Variants in CDH18 observed in about 807,000 individuals in gnomAD.
CDH18 encodes cadherin-18.
A neutral mutation model predicts 67.9 loss-of-function variants in CDH18; 31 were observed. That is an observed-to-expected ratio of 0.46 (90% CI 0.34 to 0.62). The LOEUF (loss-of-function observed/expected upper bound fraction) is 0.62, where lower values mean the gene tolerates loss of function less well. Ranked by LOEUF, CDH18 falls within the 20% of genes least tolerant of loss-of-function variation. The probability of loss-of-function intolerance (pLI) is 0.01; values close to 1 mark genes in which losing one functional copy is unlikely to be tolerated. For synonymous variants in CDH18, 362 were observed against 347.2 expected, an observed-to-expected ratio of 1.04 and a Z score of -0.48; for missense variants, 890 against 975.5, an observed-to-expected ratio of 0.91 and a Z score of 1.17.
chr5:20,511,935 AT>A (rs1186701794), intron 1 of CDH18, among the ~76,000 whole-genome samples: 2 of 152,172 alleles, frequency 1.3e-5, no homozygotes, highest in Non-Finnish European at 2.9e-5. Flanking sequence ...ATTTTTATAA[AT>A]TTAAAAAACA....
At chr5:20,466,494 A>G (rs940635119) in intron 1 of CDH18, among the ~76,000 whole-genome samples, 1 of 152,008 alleles carries the variant, frequency 6.6e-6, no homozygotes, top group Non-Finnish European at 1.5e-5. Flanking sequence ...TAATGTTTAC[A>G]ACTAACAAAT....
intron 2 of CDH18, among the ~76,000 whole-genome samples, chr5:20,166,970 T>C (rs1049060919): frequency 1.3e-5 from 2 of 152,164 alleles, no homozygotes; most frequent in African/African-American, 4.8e-5. Flanking sequence ...CCTTTAAAAA[T>C]AGTGTATAGT....
intron 2 of CDH18, among the ~76,000 whole-genome samples, chr5:20,023,693 T>C (rs1738643893): frequency 6.6e-6 from 1 of 151,580 alleles, no homozygotes; most frequent in South Asian, 2.1e-4. Context: ...GGTATTTATT[T>C]ATGTACTGAT....
At chr5:20,027,946 G>A (rs1445575331) in intron 2 of CDH18, among the ~76,000 whole-genome samples, 8 of 152,160 alleles carry the variant, frequency 5.3e-5, no homozygotes, top group Non-Finnish European at 1.0e-4. Context: ...TTTTTGTCAA[G>A]TATTTGCATA....
rs1256145011 is a variant in CDH18 at position 19,755,431 on chromosome 5, G to GTA, written c.229-8197_229-8196dup. ...TAGAGGGACAGAACTAACAGGGTAT[G>GTA]TATATATATATATATATATATATAT... On this transcript the variant is annotated intron_variant, in intron 3 of 12. Coordinates refer to ENST00000382275, the MANE Select transcript of CDH18 (RefSeq NM_004934.5). Among the ~76,000 whole-genome samples the GTA allele has an allele frequency of 4.5e-3, 351 of 77,324 alleles. 9 individuals carry two copies. Among genetic ancestry groups the GTA allele is most frequent in the African/African-American group, 0.014 (343 of 24,182 alleles). 50.7% of individuals were successfully genotyped at this position (77,324 alleles called of 152,430 possible).
chr5:19,530,637 T>C (rs1481123189), intron 9 of CDH18, among the ~76,000 whole-genome samples: 1 of 151,800 alleles, frequency 6.6e-6, no homozygotes, highest in Non-Finnish European at 1.5e-5. Context: ...CCTGTGTCCA[T>C]GTGTTCTCAT....
At chr5:20,351,452 G>A (rs1209107305) in intron 1 of CDH18, among the ~76,000 whole-genome samples, 3 of 152,086 alleles carry the variant, frequency 2.0e-5, no homozygotes, top group African/African-American at 7.2e-5. Flanking sequence ...AAGATACAGA[G>A]GCACAGATCA....
intron 4 of CDH18, among the ~76,000 whole-genome samples, chr5:19,730,008 G>C (rs1367920868): frequency 6.6e-6 from 1 of 151,872 alleles, no homozygotes; most frequent in Non-Finnish European, 1.5e-5. Flanking sequence ...CTGCCTTTCT[G>C]TCTCTCTCTC....
At position 19,730,896 on chromosome 5, in the gene CDH18, T is replaced by G. The variant is rs548180081; in HGVS notation, c.524-9430A>C. On this transcript the variant is annotated intron_variant, in intron 4 of 12. Transcript: ENST00000382275. Reference sequence around the variant, plus strand: ...AATAAACTAAAATGTTACTGTCTACTATATATTTTTTAGGAGAGAATAAAC... The same window carrying G: ...AATAAACTAAAATGTTACTGTCTACGATATATTTTTTAGGAGAGAATAAAC... Among the ~76,000 whole-genome samples the G allele has an allele frequency of 2.6e-5, 4 of 152,310 alleles. No homozygotes were observed. In the South Asian group the frequency reaches 8.3e-4, roughly 32 times the overall value.
intron 5 of CDH18, among the ~76,000 whole-genome samples, chr5:19,661,455 C>A (rs1297140491): frequency 6.6e-6 from 1 of 151,760 alleles, no homozygotes; most frequent in Non-Finnish European, 1.5e-5. Flanking sequence ...TAATATTTTT[C>A]TTTTAAAATA....
At chr5:19,709,373 A>G (rs1764404358) in intron 5 of CDH18, among the ~76,000 whole-genome samples, 1 of 151,756 alleles carries the variant, frequency 6.6e-6, no homozygotes. Flanking sequence ...TTCGAGGCCA[A>G]CCTGATCAAC....
At chr5:19,516,426 A>G (rs1746010943) in intron 10 of CDH18, among the ~76,000 whole-genome samples, 1 of 152,166 alleles carries the variant, frequency 6.6e-6, no homozygotes, top group African/African-American at 2.4e-5. Context: ...AAGGAATGGT[A>G]CCAGCTCCTC....
chr5:19,894,204 A>C (rs1472823501), intron 2 of CDH18, among the ~76,000 whole-genome samples: 1 of 152,058 alleles, frequency 6.6e-6, no homozygotes, highest in Non-Finnish European at 1.5e-5. Context: ...TAGTTTTTAA[A>C]CTTCCTCTTT....
chr5:19,733,632 T>C (rs889232774), intron 4 of CDH18, among the ~76,000 whole-genome samples: 1 of 152,074 alleles, frequency 6.6e-6, no homozygotes, highest in Non-Finnish European at 1.5e-5. Flanking sequence ...ACCTTGCTGA[T>C]GGAGGGCAGC....
intron 2 of CDH18, among the ~76,000 whole-genome samples, chr5:20,024,766 T>A (rs1738744033): frequency 6.6e-6 from 1 of 152,136 alleles, no homozygotes; most frequent in Non-Finnish European, 1.5e-5. Context: ...GAGATGAACC[T>A]AAGTTTTTCC....
chr5:20,529,233 G>A (rs1316748188), intron 1 of CDH18, among the ~76,000 whole-genome samples: 14 of 151,202 alleles, frequency 9.3e-5, no homozygotes, highest in Admixed American at 5.3e-4. Flanking sequence ...AACAAGTTCC[G>A]AAATTCAGGT....
intron 2 of CDH18, among the ~76,000 whole-genome samples, chr5:20,170,308 G>C (rs1736597261): frequency 6.6e-6 from 1 of 151,776 alleles, no homozygotes; most frequent in Non-Finnish European, 1.5e-5. Context: ...TTACGTTCCT[G>C]AGTATAATGG....
chr5:20,215,093 A>G (rs1439212020), intron 2 of CDH18, among the ~76,000 whole-genome samples: 1 of 151,986 alleles, frequency 6.6e-6, no homozygotes, highest in Non-Finnish European at 1.5e-5. Flanking sequence ...AAAAAGCTCA[A>G]CATCACTGAA....
At chr5:19,917,997 G>A (rs1442110311) in intron 2 of CDH18, among the ~76,000 whole-genome samples, 1 of 152,136 alleles carries the variant, frequency 6.6e-6, no homozygotes, top group Non-Finnish European at 1.5e-5. Flanking sequence ...GGTAACCTCT[G>A]TCTTCAGGAA....
Sources: gnomAD v4.1 joint callset for allele counts (sites outside exome capture counted in the v4.1 genomes callset) on GRCh38, gnomAD v4.1.1 for gene constraint, MANE v1.5 for transcripts, NCBI Gene and HGNC (gene_info 2026-07-23, HGNC 2026-07-21) for gene names.